WDFY4: variants seen among roughly 807,000 people sequenced by gnomAD.
The protein encoded by WDFY4 is WD repeat- and FYVE domain-containing protein 4.
A neutral mutation model predicts 351.9 loss-of-function variants in WDFY4; 169 were observed. That is an observed-to-expected ratio of 0.48 (90% CI 0.42 to 0.55). The LOEUF (loss-of-function observed/expected upper bound fraction) is 0.55, where lower values mean the gene tolerates loss of function less well. Among genes scored for constraint, WDFY4 ranks in the 20% least tolerant of loss-of-function variants. The pLI is 0.00. For missense variants in WDFY4, 3,803 were observed against 3,935.6 expected (o/e 0.97, Z 0.90); for synonymous variants, 1,622 against 1,574.6 (o/e 1.03, Z -0.71).
intron 2 of WDFY4, among the ~76,000 whole-genome samples, chr10:48,718,739 G>T (rs1589446150): frequency 1.3e-5 from 2 of 152,214 alleles, no homozygotes; most frequent in African/African-American, 4.8e-5. Context: ...GTCCTACTTA[G>T]CCAGTTCTAC....
In WDFY4 at chr10:48,976,216, C is replaced by T. The variant is rs140510514; in HGVS notation, c.9109-581C>T. 1.4e-3 allele frequency among the ~76,000 whole-genome samples: 208 copies of T among 152,312 alleles called. 1 individual carries two copies. The highest frequency in any genetic ancestry group is 4.7e-3 in the African/African-American group (196 of 41,566). ...TTAGGGCAAGGCTCAAAGGGATGGC[C>T]CCAGGACCTTGGTGACAGTGGCCAC... On this transcript the variant is annotated intron_variant, in intron 58 of 61. Coordinates refer to ENST00000325239, the MANE Select transcript of WDFY4 (RefSeq NM_001394531.1).
chr10:48,963,871 C>T lies in WDFY4; in HGVS notation c.8253C>T (p.Asn2751=), dbSNP rs767111707. The T allele has an allele frequency of 6.4e-7, 1 of 1,551,494 alleles. No individual in the cohort carries two copies. The highest frequency in any genetic ancestry group is 8.7e-7 in the Non-Finnish European group (1 of 1,147,010). The change falls in exon 54 of 62, where the codon AAC becomes AAT. Residue 2751 remains asparagine (N), a synonymous_variant. Coordinates refer to ENST00000325239, the MANE Select transcript of WDFY4 (RefSeq NM_001394531.1). ...KALESDFVSA[N]LHHWIDLIFG... ...TGGAAAGTGACTTTGTCAGTGCCAACCTCCACCATTGGATAGACCTTATTT... is the reference window on the plus strand; with the variant it reads ...TGGAAAGTGACTTTGTCAGTGCCAATCTCCACCATTGGATAGACCTTATTT...
chr10:48,762,460 G>A (rs752691013), intron 13 of WDFY4, among the ~76,000 whole-genome samples: 2 of 152,194 alleles, frequency 1.3e-5, no homozygotes, highest in Non-Finnish European at 2.9e-5. Flanking sequence ...GGGGTAGGCT[G>A]GTATAAACTG....
chr10:48,765,992 T>G (rs1158169150), intron 13 of WDFY4, among the ~76,000 whole-genome samples: 1 of 152,206 alleles, frequency 6.6e-6, no homozygotes, highest in East Asian at 1.9e-4. Flanking sequence ...TAGTCTGTAT[T>G]TCAAACACTG....
rs2064158830 is a variant in WDFY4, at chr10:48,723,460, G to C, written c.484G>C (p.Gly162Arg). Residue 162 changes from glycine (G) to arginine (R), a missense_variant, in exon 5 of 62, where the codon GGG (glycine) becomes CGG (arginine). Around this residue, in one of 3 missense-constraint regions of WDFY4, gnomAD observed 488 missense variants for 456.8 expected, o/e 1.07. Coordinates refer to ENST00000325239, the MANE Select transcript of WDFY4 (RefSeq NM_001394531.1). ...GACGCTGGGCAGGGTTGCTGAGTCTGGGCTTCCAGCCCTGCTCCTACAGTG... is the reference window on the plus strand; with the variant it reads ...GACGCTGGGCAGGGTTGCTGAGTCTCGGCTTCCAGCCCTGCTCCTACAGTG... Reference protein sequence around the residue: ...SETLGRVAESGLPALLLQCLY... With the variant: ...SETLGRVAESRLPALLLQCLY... 1 of 1,550,348 alleles carries C rather than the reference G, an allele frequency of 6.5e-7. No individual in the cohort carries two copies. The highest frequency in any genetic ancestry group is 1.4e-5 in the African/African-American group (1 of 72,992).
At chr10:48,815,670 G>T (rs577675997) in intron 31 of WDFY4, among the ~76,000 whole-genome samples, 2 of 152,078 alleles carry the variant, frequency 1.3e-5, no homozygotes, top group East Asian at 3.9e-4. Context: ...TGTTGGCCAG[G>T]CTCAGAAGTG....
chr10:48,966,397 T>C (rs143868011), intron 54 of WDFY4, 129 bp from the exon 55 acceptor site: 5 of 1,017,268 alleles, frequency 4.9e-6, no homozygotes, highest in Admixed American at 2.9e-5. Flanking sequence ...TCTGTTCATG[T>C]TCAGCTCTGT....
chr10:48,886,022 A>G (rs181681926), intron 43 of WDFY4, among the ~76,000 whole-genome samples: 25 of 152,278 alleles, frequency 1.6e-4, no homozygotes, highest in African/African-American at 5.8e-4. Context: ...GCAAGCAGAG[A>G]TGTAGGAAGA....
At chr10:48,901,970 A>T (rs7068839) in intron 47 of WDFY4, 107 bp downstream of exon 47, 486,480 of 984,700 alleles carry the variant, frequency 0.49, 123,635 homozygotes, top group East Asian at 0.71. Flanking sequence ...CATGCCCAAC[A>T]GTTTCCCTCA....
rs183146840 is a variant in WDFY4 at position 48,756,931 on chromosome 10, G to T, written c.2460-3416G>T. On this transcript the variant is annotated intron_variant, in intron 12 of 61. Transcript: ENST00000325239. The stretch of plus-strand genomic sequence containing the variant: ...GTGTTTTTCTGTTTTCAATATCAGG[G>T]TAATTCTGGCTTTATAAAATGAATT... 1.6e-3 allele frequency among the ~76,000 whole-genome samples: 239 copies of T among 152,044 alleles called. 2 individuals are homozygous for T. The highest frequency in any genetic ancestry group is 5.3e-3 in the African/African-American group (220 of 41,502).
At chr10:48,772,470 C>T (rs979790963) in intron 13 of WDFY4, among the ~76,000 whole-genome samples, 1 of 146,996 alleles carries the variant, frequency 6.8e-6, no homozygotes, top group Non-Finnish European at 1.5e-5. Flanking sequence ...GTGGGTAGGG[C>T]TCCATGGCCC....
chr10:48,901,249 A>G (rs1837336359), intron 46 of WDFY4, among the ~76,000 whole-genome samples: 1 of 152,250 alleles, frequency 6.6e-6, no homozygotes, highest in Non-Finnish European at 1.5e-5. Flanking sequence ...CTAAAATTAT[A>G]TTCAAGGCCT....
chr10:48,799,437 A>G (rs920184796), intron 24 of WDFY4, among the ~76,000 whole-genome samples: 1 of 152,202 alleles, frequency 6.6e-6, no homozygotes, highest in Non-Finnish European at 1.5e-5. Flanking sequence ...GAGGTCACTG[A>G]CAGACTTAGT....
chr10:48,828,311 C>A (rs1318076531), intron 36 of WDFY4, among the ~76,000 whole-genome samples: 2 of 152,188 alleles, frequency 1.3e-5, no homozygotes, highest in Admixed American at 6.5e-5. Context: ...CCCAAAATTT[C>A]AAGATGATGA....
intron 47 of WDFY4, chr10:48,913,425 T>C (rs757276595): frequency 1.2e-6 from 2 of 1,613,002 alleles, no homozygotes; most frequent in African/African-American, 1.3e-5. Context: ...GGCCATGGAA[T>C]TGGGTGAGAT....
chr10:48,823,525 T>C, intron 35 of WDFY4: 3 of 1,116,860 alleles, frequency 2.7e-6, no homozygotes, highest in Middle Eastern at 8.4e-4. Flanking sequence ...CCATCTTCAC[T>C]TGTCTGATGA....
intron 45 of WDFY4, among the ~76,000 whole-genome samples, chr10:48,899,162 A>G (rs1397086756): frequency 1.3e-5 from 2 of 152,182 alleles, no homozygotes; most frequent in African/African-American, 2.4e-5. Context: ...GAGCAAGGCC[A>G]CCATTTGTCC....
At chr10:48,914,395 C>T (rs567058998) in intron 47 of WDFY4, among the ~76,000 whole-genome samples, 4 of 152,308 alleles carry the variant, frequency 2.6e-5, no homozygotes, top group African/African-American at 7.2e-5. Flanking sequence ...TGTCAGCAAA[C>T]TGTGTGACTT....
At position 48,969,197 on chromosome 10, in the gene WDFY4, C is replaced by T. The variant is rs61733242; in HGVS notation, c.8718C>T (p.Ser2906=). The part of the protein sequence containing the change: ...LLPPLWNRTF[S]WGFDDFSCCL... ...CTCCTCTCTGGAACAGGACCTTCAG[C>T]TGGGGCTTTGATGACTTCAGCTGCT... The change falls in exon 56 of 62, where the codon AGC becomes AGT. Residue 2906 remains serine, a synonymous_variant. Coordinates refer to ENST00000325239, the MANE Select transcript of WDFY4 (RefSeq NM_001394531.1). 448 of 1,551,646 alleles carry T rather than the reference C, an allele frequency of 2.9e-4. 1 individual carries two copies. In the African/African-American group the frequency reaches 5.4e-3, roughly 19 times the overall value.
Sources: allele counts gnomAD v4.1 joint callset (sites outside exome capture counted in the v4.1 genomes callset), GRCh38; gene constraint gnomAD v4.1.1; regional missense constraint gnomAD v4.1.1; transcripts MANE v1.5; gene names NCBI Gene and HGNC (gene_info 2026-07-23, HGNC 2026-07-21).